VPS13B: variants seen among roughly 807,000 people sequenced by gnomAD.
The protein encoded by VPS13B is intermembrane lipid transfer protein VPS13B.
In VPS13B, 285 loss-of-function variants were observed where a neutral mutation model predicts 426.4. The ratio of observed to expected loss-of-function variants is 0.67; its 90% confidence interval spans 0.61 to 0.74. VPS13B has a LOEUF of 0.74. Among genes scored for constraint, VPS13B ranks in the 30% least tolerant of loss-of-function variants. VPS13B has a pLI of 0.00. For synonymous variants in VPS13B, 1,676 were observed against 1,676.4 expected (o/e 1.00, Z 0.01); for missense variants, 4,537 against 4,782.6 (o/e 0.95, Z 1.51).
chr8:99,480,495 T>A (rs994351125), intron 24 of VPS13B, among the ~76,000 whole-genome samples: 1 of 152,160 alleles, frequency 6.6e-6, no homozygotes, highest in Non-Finnish European at 1.5e-5. Context: ...ATAATCTTTT[T>A]AAAAACTGGT....
At chr8:99,828,695 A>G (rs1324960029) in intron 51 of VPS13B, among the ~76,000 whole-genome samples, 1 of 151,786 alleles carries the variant, frequency 6.6e-6, no homozygotes, top group Non-Finnish European at 1.5e-5. Flanking sequence ...CATAGTGTTA[A>G]TGGTCTTTAC....
intron 3 of VPS13B, among the ~76,000 whole-genome samples, chr8:99,067,636 G>T (rs1025654129): frequency 5.3e-5 from 8 of 152,148 alleles, no homozygotes; most frequent in African/African-American, 1.7e-4. Flanking sequence ...AGAACTTAAA[G>T]TATAACTTAA....
intron 3 of VPS13B, among the ~76,000 whole-genome samples, chr8:99,053,175 A>G (rs570686983): frequency 4.3e-4 from 65 of 151,992 alleles, no homozygotes; most frequent in Non-Finnish European, 7.1e-4. Flanking sequence ...GTTTTAGGGT[A>G]CATGTGCACA....
intron 23 of VPS13B, among the ~76,000 whole-genome samples, chr8:99,464,864 ATTGTTTTGT>A (rs981120145): frequency 6.6e-6 from 1 of 152,102 alleles, no homozygotes; most frequent in African/African-American, 2.4e-5. Flanking sequence ...TTTCTTGAGA[ATTGTTTTGT>A]TTGTATTCTT....
intron 3 of VPS13B, among the ~76,000 whole-genome samples, chr8:99,084,186 G>A (rs1286822776): frequency 6.6e-6 from 1 of 152,164 alleles, no homozygotes. Flanking sequence ...TTAGTCTTGG[G>A]AGGGTGTGTC....
intron 35 of VPS13B, among the ~76,000 whole-genome samples, chr8:99,685,542 G>T (rs1302313309): frequency 6.6e-6 from 1 of 152,084 alleles, no homozygotes; most frequent in Non-Finnish European, 1.5e-5. Flanking sequence ...AAGCCCTAGG[G>T]ACCACCCATT....
chr8:99,755,124 G>A (rs1167312202), intron 39 of VPS13B, among the ~76,000 whole-genome samples: 16 of 152,070 alleles, frequency 1.1e-4, no homozygotes. Flanking sequence ...ACACCCCCAG[G>A]GATGTGTGCC....
intron 3 of VPS13B, among the ~76,000 whole-genome samples, chr8:99,082,783 A>G (rs1240780487): frequency 6.6e-6 from 1 of 152,074 alleles, no homozygotes; most frequent in Admixed American, 6.6e-5. Context: ...GATATGTGGC[A>G]TTATTTCTGA....
At chr8:99,285,295 A>G (rs961581683) in intron 19 of VPS13B, among the ~76,000 whole-genome samples, 1 of 152,184 alleles carries the variant, frequency 6.6e-6, no homozygotes, top group Non-Finnish European at 1.5e-5. Flanking sequence ...AAGGTCCCAG[A>G]TTCTGGAAGG....
intron 21 of VPS13B, among the ~76,000 whole-genome samples, chr8:99,420,018 G>A (rs1433433664): frequency 1.3e-5 from 2 of 152,154 alleles, no homozygotes; most frequent in African/African-American, 4.8e-5. Context: ...TTTAAAGTAA[G>A]TATCCTATTA....
At position 99,289,154 on chromosome 8, in the gene VPS13B, C is replaced by G. The variant is rs773541649; in HGVS notation, c.2824+13900C>G. ...CTCATGAAATCTTTTTTTGTTAAAC[C>G]TTCGATAAAGTTGAAATTTTCCAAA... On this transcript the variant is annotated intron_variant, in intron 19 of 61. Coordinates refer to ENST00000357162, the MANE Select transcript of VPS13B (RefSeq NM_152564.5). Among the ~76,000 whole-genome samples the G allele has an allele frequency of 1.6e-4, 24 of 151,946 alleles. No homozygotes were observed. In the South Asian group the frequency reaches 1.9e-3, roughly 12 times the overall value.
chr8:99,386,299 T>A (rs571878790), intron 20 of VPS13B, among the ~76,000 whole-genome samples: 1 of 152,334 alleles, frequency 6.6e-6, no homozygotes, highest in Non-Finnish European at 1.5e-5. Flanking sequence ...TTATAACTTT[T>A]AAAATGAACA....
intron 35 of VPS13B, among the ~76,000 whole-genome samples, chr8:99,691,194 T>A (rs921851409): frequency 2.0e-5 from 3 of 151,962 alleles, no homozygotes; most frequent in Non-Finnish European, 4.4e-5. Context: ...TAGTGGTTTC[T>A]TGGGGCTGGA....
At chr8:99,122,750 A>C (rs979400659) in intron 8 of VPS13B, among the ~76,000 whole-genome samples, 6 of 152,140 alleles carry the variant, frequency 3.9e-5, no homozygotes, top group African/African-American at 1.4e-4. Flanking sequence ...CTGCTTTTTC[A>C]AGCTTAAATT....
chr8:99,284,730 G>GTC, intron 19 of VPS13B, among the ~76,000 whole-genome samples: 1 of 81,730 alleles, frequency 1.2e-5, no homozygotes, highest in Non-Finnish European at 2.7e-5. Context: ...TTGTGTGTGT[G>GTC]TGTGTGTTTT....
chr8:99,705,786 C>A (rs1217403603), intron 36 of VPS13B, among the ~76,000 whole-genome samples: 1 of 151,936 alleles, frequency 6.6e-6, no homozygotes, highest in African/African-American at 2.4e-5. Flanking sequence ...CAAAGGGAAG[C>A]CTTTAAAATA....
At chr8:99,531,549 A>G (rs1351654643) in intron 30 of VPS13B, among the ~76,000 whole-genome samples, 1 of 152,144 alleles carries the variant, frequency 6.6e-6, no homozygotes, top group African/African-American at 2.4e-5. Context: ...AACTTTTGTT[A>G]AATATCTCTC....
intron 2 of VPS13B, among the ~76,000 whole-genome samples, chr8:99,033,517 A>G (rs1842612937): frequency 6.6e-6 from 1 of 152,178 alleles, no homozygotes; most frequent in Admixed American, 6.5e-5. Flanking sequence ...TTTCAACTCC[A>G]AAATTTTCAT....
chr8:99,386,222 A>G (rs1394317427), intron 20 of VPS13B, among the ~76,000 whole-genome samples: 2 of 152,234 alleles, frequency 1.3e-5, no homozygotes, highest in Non-Finnish European at 2.9e-5. Context: ...CAGCTTAAGT[A>G]AATTAGACAT....
Sources: gnomAD v4.1 joint callset for allele counts (sites outside exome capture counted in the v4.1 genomes callset) on GRCh38, gnomAD v4.1.1 for gene constraint, MANE v1.5 for transcripts, NCBI Gene and HGNC (gene_info 2026-07-23, HGNC 2026-07-21) for gene names.